KANK1: variants seen among roughly 807,000 people sequenced by gnomAD.
The protein encoded by KANK1 is KN motif and ankyrin repeat domains 1, also known as KN motif and ankyrin repeat domain-containing protein 1.
Under a neutral mutation model 106.2 loss-of-function variants are expected in KANK1, and 109 were observed. That is an observed-to-expected ratio of 1.03 (90% CI 0.88 to 1.20). KANK1 has a LOEUF of 1.20. Ranked by LOEUF, KANK1 falls within the 50% of genes most tolerant of loss-of-function variation. The pLI, the probability that KANK1 is intolerant of heterozygous loss-of-function variation, is 0.00. For missense variants in KANK1, 2,399 were observed against 1,710.7 expected, an observed-to-expected ratio of 1.40 and a Z score of -7.10; for synonymous variants, 873 against 652.2, an observed-to-expected ratio of 1.34 and a Z score of -5.16.
chr9:596,311 G>T (rs1203407047), intron 1 of KANK1, among the ~76,000 whole-genome samples: 2 of 151,812 alleles, frequency 1.3e-5, no homozygotes, highest in South Asian at 2.1e-4. Flanking sequence ...CTGTGTATGG[G>T]CTCTAGAAGC....
At chr9:647,537 C>T (rs186879579) in intron 1 of KANK1, among the ~76,000 whole-genome samples, 13 of 150,874 alleles carry the variant, frequency 8.6e-5, no homozygotes, top group East Asian at 5.8e-4. Context: ...TTTCATCTTA[C>T]GAAAATATAT....
At chr9:541,765 C>G (rs531180940) in intron 1 of KANK1, among the ~76,000 whole-genome samples, 1 of 152,222 alleles carries the variant, frequency 6.6e-6, no homozygotes, top group Admixed American at 6.5e-5. Context: ...ACCCATACAA[C>G]TCAATAGCAA....
chr9:585,221 C>T (rs534818004), intron 1 of KANK1, among the ~76,000 whole-genome samples: 8 of 152,204 alleles, frequency 5.3e-5, no homozygotes, highest in Admixed American at 3.3e-4. Flanking sequence ...CAACCATCAT[C>T]TTCAGGTAAA....
chr9:695,720 A>G (rs773930710), intron 2 of KANK1, among the ~76,000 whole-genome samples: 2 of 152,118 alleles, frequency 1.3e-5, no homozygotes, highest in East Asian at 1.9e-4. Flanking sequence ...AGTAGTGACA[A>G]TAGAACCCAC....
Position 712,540 on chromosome 9 carries a change from A to T in KANK1, c.1774A>T (p.Ser592Cys), listed in dbSNP as rs376289467. Reference protein sequence around the residue: ...AGRSVEMCDKSVSVEVSVCET... With the variant: ...AGRSVEMCDKCVSVEVSVCET... The stretch of plus-strand genomic sequence containing the variant: ...GAGGTCTGTGGAAATGTGTGACAAG[A>T]GTGTGAGTGTGGAAGTCAGCGTCTG... The change falls in exon 3 of 12, where the codon AGT becomes TGT. Residue 592 changes from serine to cysteine, a missense_variant. Transcript: ENST00000382297. The T allele has an allele frequency of 8.7e-6, 14 of 1,614,052 alleles. No individual in the cohort carries two copies. In the African/African-American group the frequency reaches 1.9e-4, roughly 22 times the overall value.
At chr9:677,070 A>G in intron 2 of KANK1, 61 bp downstream of exon 2, 19 of 1,452,586 alleles carry the variant, frequency 1.3e-5, no homozygotes, top group Non-Finnish European at 1.6e-5. Context: ...CTAATTTTTT[A>G]TTCTCTTTAA....
chr9:710,634 A>AC lies in KANK1; in HGVS notation c.38-170_38-169insC, dbSNP rs1231801262. On this transcript the variant is annotated intron_variant, in intron 2 of 11. Transcript: ENST00000382297. The stretch of plus-strand genomic sequence containing the variant: ...CTGTCTCAAAAAAAAAAAAAACAAA[A>AC]AAAAACAAAAAAAACTTGCTTACCC... Among the ~76,000 whole-genome samples, 10 of 115,652 alleles carry AC rather than the reference A, an allele frequency of 8.6e-5. No homozygotes were observed. The East Asian group carries it at 1.4e-3, about 17-fold the overall frequency. The allele number at this position is 115,652 out of a possible 152,430, so 75.9% of individuals were successfully genotyped here. A position where few individuals can be genotyped will look rare whatever the true frequency, so the allele number is the denominator to read the frequency against.
At chr9:689,054 T>G (rs1819234756) in intron 2 of KANK1, among the ~76,000 whole-genome samples, 1 of 152,178 alleles carries the variant, frequency 6.6e-6, no homozygotes, top group South Asian at 2.1e-4. Context: ...TAAGTTAAGG[T>G]CTTAATGTTC....
intron 1 of KANK1, among the ~76,000 whole-genome samples, chr9:671,311 G>A (rs370352157): frequency 1.3e-5 from 2 of 151,816 alleles, no homozygotes; most frequent in African/African-American, 2.4e-5. Flanking sequence ...GAACAAGGTT[G>A]ATAATCAAGC....
chr9:659,137 C>T (rs1266415732), intron 1 of KANK1, among the ~76,000 whole-genome samples: 1 of 152,176 alleles, frequency 6.6e-6, no homozygotes, highest in Non-Finnish European at 1.5e-5. Flanking sequence ...CTGTAGTGCC[C>T]AGCACTGTGC....
intron 2 of KANK1, among the ~76,000 whole-genome samples, chr9:698,102 C>G (rs1302935631): frequency 6.6e-6 from 1 of 152,108 alleles, no homozygotes; most frequent in East Asian, 1.9e-4. Flanking sequence ...TTTAGCTTTC[C>G]CTGTTGGCCA....
chr9:641,847 C>T (rs900761608), intron 1 of KANK1, among the ~76,000 whole-genome samples: 3 of 152,086 alleles, frequency 2.0e-5, no homozygotes, highest in African/African-American at 7.2e-5. Context: ...ACCATGCAGT[C>T]CACCCTTTAA....
chr9:688,209 G>A (rs1040781475), intron 2 of KANK1, among the ~76,000 whole-genome samples: 2 of 152,218 alleles, frequency 1.3e-5, no homozygotes, highest in Admixed American at 6.5e-5. Context: ...TGGGTGAACA[G>A]ATGGCTTTTA....
rs116828524 is a variant in KANK1, at chr9:735,103, A to G, written c.3333+268A>G. On this transcript the variant is annotated intron_variant, in intron 7 of 11. Transcript: ENST00000382297. ...ATCTGTGAGGCGTACACTTGCAGAC[A>G]GAAAGCAGGGCTAATTGCAGTCAGT... Among the ~76,000 whole-genome samples the G allele has an allele frequency of 3.2e-3, 483 of 152,342 alleles. 4 individuals carry two copies. The highest frequency in any genetic ancestry group is 0.011 in the African/African-American group (449 of 41,578).
chr9:530,612 A>G (rs1434611951), intron 1 of KANK1, among the ~76,000 whole-genome samples: 7 of 152,210 alleles, frequency 4.6e-5, no homozygotes, highest in African/African-American at 1.4e-4. Flanking sequence ...ATTGTTAAGA[A>G]TATGTTTGTA....
intron 1 of KANK1, chr9:549,091 T>C (rs79979877): frequency 3.4e-4 from 52 of 152,240 alleles, no homozygotes; most frequent in African/African-American, 1.2e-3. Context: ...TTTTTTTTTT[T>C]CTACTTCTTC....
At chr9:640,877 T>C (rs570503859) in intron 1 of KANK1, among the ~76,000 whole-genome samples, 1 of 151,712 alleles carries the variant, frequency 6.6e-6, no homozygotes, top group Admixed American at 6.6e-5. Flanking sequence ...TTTGTATTTT[T>C]AGTAGAGACA....
chr9:532,344 C>T (rs1245959372), intron 1 of KANK1, among the ~76,000 whole-genome samples: 1 of 132,366 alleles, frequency 7.6e-6, no homozygotes, highest in Non-Finnish European at 1.5e-5. Flanking sequence ...CTGGTTCAAG[C>T]GATTCTCCTG....
intron 1 of KANK1, among the ~76,000 whole-genome samples, chr9:522,801 C>T (rs1017950832): frequency 6.6e-6 from 1 of 151,686 alleles, no homozygotes; most frequent in African/African-American, 2.4e-5. Flanking sequence ...CTCCTGACCA[C>T]CAGCCTCTGA....
Sources: gnomAD v4.1 joint callset for allele counts (sites outside exome capture counted in the v4.1 genomes callset) on GRCh38, gnomAD v4.1.1 for gene constraint, MANE v1.5 for transcripts, NCBI Gene and HGNC (gene_info 2026-07-23, HGNC 2026-07-21) for gene names.